The following EPB41L5 variants were observed in gnomAD, a reference collection of about 807,000 sequenced individuals.
EPB41L5 encodes the protein band 4.1-like protein 5.
In EPB41L5, 55 loss-of-function variants were observed where a neutral mutation model predicts 106.6. The observed-to-expected ratio is 0.52, with a 90% confidence interval of 0.42 to 0.65. EPB41L5 has a LOEUF of 0.65. Ranked by LOEUF, EPB41L5 falls within the 30% of genes least tolerant of loss-of-function variation. The pLI is 0.00. For missense variants in EPB41L5, 871 were observed against 882.1 expected (o/e 0.99, Z 0.16); for synonymous variants, 297 against 306.7 (o/e 0.97, Z 0.33).
chr2:120,066,074 G>A (rs903578854), intron 3 of EPB41L5, among the ~76,000 whole-genome samples: 5 of 151,796 alleles, frequency 3.3e-5, no homozygotes, highest in Non-Finnish European at 7.4e-5. Context: ...GTGTTATGGG[G>A]TGTGGGTAAT....
At chr2:120,134,577 A>G (rs1394223813) in intron 18 of EPB41L5, among the ~76,000 whole-genome samples, 3 of 152,156 alleles carry the variant, frequency 2.0e-5, no homozygotes, top group Non-Finnish European at 4.4e-5. Context: ...TCCTCCCCCA[A>G]CTGCATGCAG....
intron 14 of EPB41L5, among the ~76,000 whole-genome samples, chr2:120,096,902 G>A (rs969565945): frequency 1.3e-5 from 2 of 152,166 alleles, no homozygotes; most frequent in Non-Finnish European, 2.9e-5. Context: ...AGGAGGCTGG[G>A]ATATGGAATA....
intron 7 of EPB41L5, among the ~76,000 whole-genome samples, chr2:120,075,960 A>G (rs933232579): frequency 1.3e-5 from 2 of 152,178 alleles, no homozygotes; most frequent in African/African-American, 4.8e-5. Flanking sequence ...CTTTCCACCT[A>G]AAGTGTTGAA....
At chr2:120,076,114 T>G (rs545563774) in intron 7 of EPB41L5, among the ~76,000 whole-genome samples, 4 of 152,312 alleles carry the variant, frequency 2.6e-5, no homozygotes, top group Non-Finnish European at 5.9e-5. Context: ...AACCTACATT[T>G]TGTTCAGAAA....
Position 120,091,634 on chromosome 2 carries a change from T to C in EPB41L5, c.1123T>C (p.Tyr375His). The change falls in exon 13 of 25, where the codon TAT becomes CAT. Residue 375 changes from tyrosine (Y) to histidine (H), a missense_variant. Tyr to His is a moderately conservative substitution (Grantham distance 83). Coordinates refer to ENST00000263713, the MANE Select transcript of EPB41L5 (RefSeq NM_020909.4). ...CTTTGAAAGAAGGCCCAGCAAACGA[T>C]ATTCTAGACGAACTCTACAAATGAA... ...TSFERRPSKR[Y>H]SRRTLQMKAC... is the part of the protein sequence containing the mutation. 1.2e-6 allele frequency: 2 copies of C among 1,613,706 alleles called. No homozygotes were observed. Among genetic ancestry groups the C allele is most frequent in the Non-Finnish European group, 8.5e-7 (1 of 1,179,728 alleles).
At chr2:120,104,870 C>A in intron 16 of EPB41L5, 1 of 977,036 alleles carries the variant, frequency 1.0e-6, no homozygotes, top group Non-Finnish European at 1.2e-6. Context: ...ATAGAGAAAT[C>A]TGAATGGTTA....
intron 16 of EPB41L5, among the ~76,000 whole-genome samples, chr2:120,101,898 T>A (rs982642741): frequency 5.3e-5 from 8 of 152,192 alleles, no homozygotes; most frequent in African/African-American, 1.9e-4. Context: ...TATGTGGTGG[T>A]GATACTTTGT....
At chr2:120,146,638 A>G (rs899588967) in intron 20 of EPB41L5, among the ~76,000 whole-genome samples, 6 of 152,174 alleles carry the variant, frequency 3.9e-5, no homozygotes, top group Non-Finnish European at 7.3e-5. Context: ...GTTCTTATCA[A>G]CTTACTTGCC....
intron 3 of EPB41L5, 101 bp from the exon 4 acceptor site, chr2:120,073,077 C>T (rs146728475): frequency 4.3e-5 from 42 of 977,784 alleles, no homozygotes; most frequent in East Asian, 3.2e-4. Context: ...TATTTCCTTG[C>T]GGTTATCAGT....
intron 3 of EPB41L5, 43 bp from the exon 4 acceptor site, chr2:120,073,133 AAG>A (rs776676752): frequency 1.9e-6 from 3 of 1,552,784 alleles, no homozygotes; most frequent in Non-Finnish European, 2.6e-6. Flanking sequence ...TCAAATTTTA[AAG>A]TTCTGTCATC....
At chr2:120,100,102 C>A (rs901422826) in intron 14 of EPB41L5, 142 bp from the exon 15 acceptor site, 1 of 614,468 alleles carries the variant, frequency 1.6e-6, no homozygotes, top group Non-Finnish European at 2.8e-6. Flanking sequence ...GTTTTAGGTA[C>A]TAGCAGTAGT....
Position 120,161,126 on chromosome 2 carries a change from C to A in EPB41L5, c.1887+152C>A, listed in dbSNP as rs1574781513. On this transcript the variant is annotated intron_variant, in intron 21 of 24. Transcript: ENST00000263713. The stretch of plus-strand genomic sequence containing the variant: ...AGCACAGGGGCTCACACCTATAATT[C>A]CAGCACTTTGGGAGGCCGAGGCATG... 6.4e-6 allele frequency: 4 copies of A among 623,552 alleles called. 1 individual carries two copies. The South Asian group carries it at 7.8e-5, about 12-fold the overall frequency. The allele number at this position is 623,552 out of a possible 1,614,324, so 38.6% of individuals were successfully genotyped here.
chr2:120,019,020 A>G, intron 1 of EPB41L5, 57 bp from the exon 2 acceptor site: 2 of 1,427,394 alleles, frequency 1.4e-6, no homozygotes, highest in Non-Finnish European at 1.9e-6. Context: ...ACTGACTGCA[A>G]GTTGTGGAGA....
chr2:120,131,842 C>T (rs1685708395), intron 18 of EPB41L5, 127 bp downstream of exon 18: 1 of 654,306 alleles, frequency 1.5e-6, no homozygotes, highest in Non-Finnish European at 2.6e-6. Flanking sequence ...TTCTTATAAA[C>T]CTGTTTTCTC....
In EPB41L5 at chr2:120,067,036, A is replaced by T. The variant is rs150871737; in HGVS notation, c.286-6142A>T. ...AAGGATGCAGACCGGAGCTGTTCCT[A>T]TTCGGCCATCTTGCCAGCCTAGATT... On this transcript the variant is annotated intron_variant, in intron 3 of 24. Transcript: ENST00000263713. Among the ~76,000 whole-genome samples, 4 of 152,214 alleles carry T rather than the reference A, an allele frequency of 2.6e-5. No individual in the cohort carries two copies. The East Asian group carries it at 7.7e-4, about 29-fold the overall frequency.
chr2:120,084,833 C>G (rs1350489035), intron 10 of EPB41L5, among the ~76,000 whole-genome samples: 2 of 152,090 alleles, frequency 1.3e-5, no homozygotes, highest in African/African-American at 4.8e-5. Flanking sequence ...CCTTTTTACT[C>G]TTTTTTTCTC....
chr2:120,167,368 C>T, intron 22 of EPB41L5, 98 bp from the exon 23 acceptor site: 1 of 1,058,204 alleles, frequency 9.4e-7, no homozygotes, highest in Non-Finnish European at 1.4e-6. Context: ...AATTGCCCTC[C>T]TAGAATGGAT....
intron 16 of EPB41L5, among the ~76,000 whole-genome samples, chr2:120,113,250 A>G (rs1046626887): frequency 6.6e-6 from 1 of 152,242 alleles, no homozygotes; most frequent in East Asian, 1.9e-4. Context: ...TAGTAAGTGC[A>G]CGCACACATG....
chr2:120,108,356 G>A (rs1321545698), intron 16 of EPB41L5: 2 of 151,960 alleles, frequency 1.3e-5, no homozygotes, highest in African/African-American at 4.8e-5. Flanking sequence ...CTCATTTTTT[G>A]TTGTTGAAGG....
Sources: allele counts gnomAD v4.1 joint callset (sites outside exome capture counted in the v4.1 genomes callset), GRCh38; gene constraint gnomAD v4.1.1; transcripts MANE v1.5; gene names NCBI Gene and HGNC (gene_info 2026-07-23, HGNC 2026-07-21).